Variants in MAP4 observed in about 807,000 individuals in gnomAD.
The protein encoded by MAP4 is microtubule associated protein 4, also known as microtubule-associated protein 4.
Under a neutral mutation model 170.2 loss-of-function variants are expected in MAP4, and 76 were observed. The ratio of observed to expected loss-of-function variants is 0.45; its 90% CI spans 0.37 to 0.54. The LOEUF (loss-of-function observed/expected upper bound fraction) is 0.54. MAP4 is among the 20% of genes least tolerant of loss of function. The pLI is 0.00. For synonymous variants in MAP4, 909 were observed against 994.5 expected (o/e 0.91, Z 1.62); for missense variants, 2,506 against 2,748.0 (o/e 0.91, Z 1.97).
intron 11 of MAP4, 150 bp from the exon 12 acceptor site, chr3:47,876,050 A>G (rs1694624394): frequency 1.7e-6 from 1 of 589,704 alleles, no homozygotes; most frequent in Non-Finnish European, 2.9e-6. Flanking sequence ...TAAAATTAGC[A>G]TTTCTTTCTT....
Position 47,910,292 on chromosome 3 carries a change from CAGG to C in MAP4, c.4126_4128del (p.Pro1376del). On this transcript the variant is annotated inframe_deletion, in exon 9 of 21. Coordinates refer to ENST00000683076, the MANE Select transcript of MAP4 (RefSeq NM_001385682.1). ...ATCTTATTCTCCAGAATGTGCTTCT[CAGG>C]AGAACTATTTTTAACCTTTTTACTT... 1 of 1,593,384 alleles carries C rather than the reference CAGG, an allele frequency of 6.3e-7. No individual in the cohort carries two copies. The highest frequency in any genetic ancestry group is 8.5e-7 in the Non-Finnish European group (1 of 1,174,742).
intron 18 of MAP4, among the ~76,000 whole-genome samples, chr3:47,856,152 G>A (rs183453283): frequency 7.2e-5 from 11 of 152,284 alleles, no homozygotes; most frequent in East Asian, 1.9e-4. Context: ...CCCCTCCCGC[G>A]CCCAGCAGCG....
chr3:48,028,779 A>C (rs912021133), intron 1 of MAP4, among the ~76,000 whole-genome samples: 1 of 151,828 alleles, frequency 6.6e-6, no homozygotes, highest in African/African-American at 2.4e-5. Context: ...CTCAAAAAAA[A>C]AAAAAGGTAC....
intron 10 of MAP4, among the ~76,000 whole-genome samples, chr3:47,896,449 A>T (rs1405907833): frequency 6.6e-6 from 1 of 152,176 alleles, no homozygotes; most frequent in East Asian, 1.9e-4. Context: ...GAATCGCTTG[A>T]ACCCGGGAGG....
At chr3:47,973,728 GAA>G (rs1391808992) in intron 3 of MAP4, 1 of 985,280 alleles carries the variant, frequency 1.0e-6, no homozygotes, top group Non-Finnish European at 1.2e-6. Flanking sequence ...ACGAGCAATA[GAA>G]AGATGTCAAA....
intron 1 of MAP4, among the ~76,000 whole-genome samples, chr3:48,068,454 G>T (rs776844356): frequency 5.9e-5 from 9 of 151,972 alleles, no homozygotes; most frequent in Non-Finnish European, 1.0e-4. Flanking sequence ...GGTTGTACTT[G>T]AACTCCAAGG....
At chr3:48,035,190 G>GA (rs71625848) in intron 1 of MAP4, among the ~76,000 whole-genome samples, 31,009 of 83,726 alleles carry the variant, frequency 0.37, 5,132 homozygotes, top group Non-Finnish European at 0.44. Flanking sequence ...TGATTTGTAT[G>GA]AAAAAAAAAA....
chr3:47,996,469 G>A (rs2100095693), intron 2 of MAP4, among the ~76,000 whole-genome samples: 1 of 152,126 alleles, frequency 6.6e-6, no homozygotes, highest in Non-Finnish European at 1.5e-5. Flanking sequence ...CCCCTCTGAG[G>A]CACGGGTACA....
intron 1 of MAP4, among the ~76,000 whole-genome samples, chr3:48,011,964 C>T (rs527616101): frequency 1.0e-3 from 155 of 152,258 alleles, no homozygotes; most frequent in Admixed American, 2.6e-3. Flanking sequence ...TCAGTGAAAC[C>T]CGAACTTTAA....
At chr3:47,853,071 T>C in intron 20 of MAP4, 92 bp downstream of exon 20, 1 of 1,614,208 alleles carries the variant, frequency 6.2e-7, no homozygotes, top group Non-Finnish European at 8.5e-7. Context: ...CATTAAAATT[T>C]AGGCCACACT....
intron 10 of MAP4, among the ~76,000 whole-genome samples, chr3:47,895,223 G>T (rs1210206967): frequency 6.6e-6 from 1 of 152,162 alleles, no homozygotes; most frequent in Non-Finnish European, 1.5e-5. Context: ...TTGACTTTGA[G>T]TCAGAAGGCC....
At chr3:47,906,612 G>A (rs1020005030) in intron 9 of MAP4, among the ~76,000 whole-genome samples, 4 of 151,622 alleles carry the variant, frequency 2.6e-5, no homozygotes, top group African/African-American at 7.3e-5. Flanking sequence ...GAACCCAGGA[G>A]GCAGAGGTTG....
At chr3:47,886,572 A>G (rs1002450354) in intron 10 of MAP4, among the ~76,000 whole-genome samples, 1 of 152,156 alleles carries the variant, frequency 6.6e-6, no homozygotes, top group African/African-American at 2.4e-5. Context: ...CAAAGTGCTG[A>G]GATTACAGGC....
intron 10 of MAP4, chr3:47,891,286 G>A: frequency 6.5e-7 from 1 of 1,536,194 alleles, no homozygotes; most frequent in Non-Finnish European, 8.7e-7. Context: ...TGCTGCTGTT[G>A]CTGAAGTGAG....
intron 1 of MAP4, among the ~76,000 whole-genome samples, chr3:48,080,920 A>C (rs6442099): frequency 0.61 from 92,050 of 152,022 alleles, 29,110 homozygotes; most frequent in East Asian, 0.71. Flanking sequence ...GTCAGGAGAT[A>C]GAGACCATCC....
chr3:47,988,119 G>A (rs1274414988), intron 2 of MAP4, among the ~76,000 whole-genome samples: 4 of 151,816 alleles, frequency 2.6e-5, no homozygotes, highest in African/African-American at 9.7e-5. Flanking sequence ...GCGTGAACCC[G>A]GGAGGCGGAG....
At chr3:48,023,518 G>C (rs1412081478) in intron 1 of MAP4, among the ~76,000 whole-genome samples, 1 of 152,198 alleles carries the variant, frequency 6.6e-6, no homozygotes, top group African/African-American at 2.4e-5. Flanking sequence ...ACTCTTAAGT[G>C]GGCAGAAGTC....
chr3:47,964,933 T>C (rs910175204), intron 3 of MAP4, among the ~76,000 whole-genome samples: 25 of 152,194 alleles, frequency 1.6e-4, no homozygotes, highest in African/African-American at 4.8e-4. Context: ...TGTGCAATCA[T>C]CACCACCATC....
chr3:47,910,592 C>G lies in MAP4; in HGVS notation c.3829G>C (p.Asp1277His). Reference sequence around the variant, plus strand: ...TCAACTGCTTCCACTGTGGGTGTATCTGGTGTATGTGAGAACGAAGAATCA... The same window carrying G: ...TCAACTGCTTCCACTGTGGGTGTATGTGGTGTATGTGAGAACGAAGAATCA... ...MHDSSFSHTP[D>H]TPTVEAVDRK... The change falls in exon 9 of 21, where the codon GAT (aspartate) becomes CAT (histidine). Residue 1277 changes from aspartate (D) to histidine (H), a missense_variant. By Grantham distance (81) the Asp-to-His change is moderately conservative. Around this residue, in one of 3 missense-constraint regions of MAP4, gnomAD observed 2,008 missense variants for 2,206.0 expected, o/e 0.91. Coordinates refer to ENST00000683076, the MANE Select transcript of MAP4 (RefSeq NM_001385682.1). 6.5e-7 allele frequency: 1 copy of G among 1,536,100 alleles called. No individual in the cohort carries two copies. Among genetic ancestry groups the G allele is most frequent in the East Asian group, 2.4e-5 (1 of 40,918 alleles).
Sources: allele counts gnomAD v4.1 joint callset (sites outside exome capture counted in the v4.1 genomes callset), GRCh38; gene constraint gnomAD v4.1.1; regional missense constraint gnomAD v4.1.1; transcripts MANE v1.5; gene names NCBI Gene and HGNC (gene_info 2026-07-23, HGNC 2026-07-21).